The following MALRD1 variants were observed in gnomAD, a reference collection of about 807,000 sequenced individuals.
MALRD1 encodes MAM and LDL-receptor class A domain-containing protein 1.
In MALRD1, 247 loss-of-function variants were observed where a neutral mutation model predicts 242.1. The observed-to-expected ratio is 1.02, with a 90% CI of 0.92 to 1.13. The LOEUF (loss-of-function observed/expected upper bound fraction) is 1.13, where lower values mean the gene tolerates loss of function less well. Among genes scored for constraint, MALRD1 ranks in the 50% most tolerant of loss-of-function variants. MALRD1 has a pLI of 0.00. For synonymous variants in MALRD1, 995 were observed against 866.6 expected, an observed-to-expected ratio of 1.15 and a Z score of -2.60; for missense variants, 2,989 against 2,533.1, an observed-to-expected ratio of 1.18 and a Z score of -3.86.
chr10:19,483,549 A>T (rs79255985), intron 29 of MALRD1, among the ~76,000 whole-genome samples: 3 of 152,194 alleles, frequency 2.0e-5, no homozygotes, highest in African/African-American at 4.8e-5. Context: ...AATGTTCCAC[A>T]TCACCAGTCT....
chr10:19,603,720 C>T (rs749667143), intron 34 of MALRD1, among the ~76,000 whole-genome samples: 71 of 152,016 alleles, frequency 4.7e-4, no homozygotes, highest in Non-Finnish European at 8.2e-4. Flanking sequence ...ATGCTCACTT[C>T]GTGTCTGTAT....
intron 28 of MALRD1, among the ~76,000 whole-genome samples, chr10:19,433,823 T>C (rs1174773657): frequency 2.0e-5 from 3 of 152,090 alleles, no homozygotes; most frequent in East Asian, 3.9e-4. Context: ...GTGTTTTCTA[T>C]GTCCATAGGA....
intron 26 of MALRD1, among the ~76,000 whole-genome samples, chr10:19,380,865 A>G (rs1337756119): frequency 2.0e-5 from 3 of 151,546 alleles, no homozygotes; most frequent in African/African-American, 7.3e-5. Context: ...TTTTTCTTCT[A>G]GGATCACTTG....
At chr10:19,449,451 A>G (rs2131033035) in intron 28 of MALRD1, among the ~76,000 whole-genome samples, 1 of 152,348 alleles carries the variant, frequency 6.6e-6, no homozygotes, top group Admixed American at 6.5e-5. Flanking sequence ...GTGTCTCTAA[A>G]AATTCCAAAA....
intron 21 of MALRD1, among the ~76,000 whole-genome samples, chr10:19,311,187 T>A (rs1842409526): frequency 6.6e-6 from 1 of 151,582 alleles, no homozygotes; most frequent in Admixed American, 6.6e-5. Context: ...GTTTTAATAC[T>A]TCTGTGGATT....
In MALRD1 at chr10:19,460,723, G is replaced by A. The variant is rs115652945; in HGVS notation, c.5029+10233G>A. 2.3e-3 allele frequency among the ~76,000 whole-genome samples: 349 copies of A among 152,258 alleles called. 2 individuals are homozygous for A. Among genetic ancestry groups the A allele is most frequent in the African/African-American group, 7.8e-3 (325 of 41,562 alleles). On this transcript the variant is annotated intron_variant, in intron 29 of 39. Transcript: ENST00000454679. ...GGGTGGATGGGAGGCAAGGACCCTT[G>A]AGGTAAACATAGTATAAAATGTTTA... is the stretch of plus-strand genomic sequence containing the variant.
In MALRD1 at chr10:19,543,906, G is replaced by A. The variant is rs185623017; in HGVS notation, c.5478+12555G>A. Reference sequence around the variant, plus strand: ...GGCCCAAATAAACTCTCTACTTAACGTTAATTTCTCCTCACCTTCTTCTTG... The same window carrying A: ...GGCCCAAATAAACTCTCTACTTAACATTAATTTCTCCTCACCTTCTTCTTG... On this transcript the variant is annotated intron_variant, in intron 32 of 39. Transcript: ENST00000454679. 4.1e-3 allele frequency among the ~76,000 whole-genome samples: 618 copies of A among 152,112 alleles called. 5 individuals carry two copies. Among genetic ancestry groups the A allele is most frequent in the African/African-American group, 0.015 (603 of 41,524 alleles).
intron 29 of MALRD1, among the ~76,000 whole-genome samples, chr10:19,474,404 C>G (rs1326843370): frequency 6.6e-6 from 1 of 152,046 alleles, no homozygotes; most frequent in African/African-American, 2.4e-5. Context: ...TTAAAAATCT[C>G]TTTATCAAAT....
At position 19,205,208 on chromosome 10, in the gene MALRD1, C is replaced by G; in HGVS notation, c.2521C>G (p.Leu841Val). Reference protein sequence around the residue: ...CRHTRACIEKLRLCDLVDDCG... With the variant: ...CRHTRACIEKVRLCDLVDDCG... ...CCACACCAGGGCTTGCATAGAAAAG[C>G]TTCGGTTATGTGATCTGGTGGATGA... is the stretch of plus-strand genomic sequence containing the variant. Residue 841 changes from leucine (L) to valine (V), a missense_variant, in exon 17 of 40, where the codon CTT (leucine) becomes GTT (valine). Leu to Val is a conservative substitution (Grantham distance 32). Transcript: ENST00000454679. The G allele has an allele frequency of 6.4e-7, 1 of 1,551,008 alleles. No individual in the cohort carries two copies.
chr10:19,562,717 G>A (rs1433374185), intron 32 of MALRD1, among the ~76,000 whole-genome samples: 3 of 152,158 alleles, frequency 2.0e-5, no homozygotes, highest in Non-Finnish European at 4.4e-5. Context: ...CAGAAGGTGA[G>A]GGGCAGGTGA....
chr10:19,621,012 C>T (rs1839377105), intron 36 of MALRD1, among the ~76,000 whole-genome samples: 1 of 149,722 alleles, frequency 6.7e-6, no homozygotes, highest in South Asian at 2.1e-4. Context: ...AAAAAAAAGT[C>T]ATCTATTAAA....
At chr10:19,613,885 A>G (rs1449500364) in intron 35 of MALRD1, among the ~76,000 whole-genome samples, 1 of 151,866 alleles carries the variant, frequency 6.6e-6, no homozygotes, top group Non-Finnish European at 1.5e-5. Flanking sequence ...CACTACCACT[A>G]CTGCCCAAAT....
At chr10:19,703,097 GA>G (rs557989495) in intron 38 of MALRD1, among the ~76,000 whole-genome samples, 1 of 151,940 alleles carries the variant, frequency 6.6e-6, no homozygotes, top group Admixed American at 6.5e-5. Flanking sequence ...GATTACAGGG[GA>G]AAAAAAGCAA....
chr10:19,246,294 T>C (rs1156829000), intron 18 of MALRD1, among the ~76,000 whole-genome samples: 2 of 152,186 alleles, frequency 1.3e-5, no homozygotes, highest in African/African-American at 2.4e-5. Flanking sequence ...TGTAGAGTTA[T>C]ATTTTCATTT....
At chr10:19,692,139 A>C in intron 36 of MALRD1, 143 bp from the exon 37 acceptor site, 1 of 589,556 alleles carries the variant, frequency 1.7e-6, no homozygotes, top group Non-Finnish European at 2.8e-6. Context: ...TTTGGCTTAA[A>C]GTTTTTGGTT....
intron 29 of MALRD1, among the ~76,000 whole-genome samples, chr10:19,467,279 C>G (rs901762919): frequency 6.7e-6 from 1 of 149,554 alleles, no homozygotes; most frequent in Non-Finnish European, 1.5e-5. Context: ...GGCGTGAACC[C>G]GGGAGGCGGA....
At chr10:19,458,115 C>A (rs2131081657) in intron 29 of MALRD1, among the ~76,000 whole-genome samples, 1 of 152,196 alleles carries the variant, frequency 6.6e-6, no homozygotes, top group East Asian at 1.9e-4. Context: ...TCTGCCAACA[C>A]TTGATATAAT....
chr10:19,369,228 A>G lies in MALRD1; in HGVS notation c.4441+16931A>G, dbSNP rs371790825. On this transcript the variant is annotated intron_variant, in intron 26 of 39. Transcript: ENST00000454679. ...TAAATTTGAATATTAATTCTTGTAT[A>G]TAAATATATTTATATTTAAATATAC... is the stretch of plus-strand genomic sequence containing the variant. Among the ~76,000 whole-genome samples the G allele has an allele frequency of 2.7e-5, 4 of 146,486 alleles. No homozygotes were observed. The East Asian group carries it at 5.9e-4, about 21-fold the overall frequency.
intron 36 of MALRD1, among the ~76,000 whole-genome samples, chr10:19,647,077 A>G (rs766292438): frequency 6.6e-6 from 1 of 152,198 alleles, no homozygotes; most frequent in African/African-American, 2.4e-5. Context: ...TGTTTCAACA[A>G]CAGAGCCCTA....
Sources: gnomAD v4.1 joint callset for allele counts (sites outside exome capture counted in the v4.1 genomes callset) on GRCh38, gnomAD v4.1.1 for gene constraint, MANE v1.5 for transcripts, NCBI Gene and HGNC (gene_info 2026-07-23, HGNC 2026-07-21) for gene names.